The following ICA1 variants were observed in gnomAD, a reference collection of about 807,000 sequenced individuals.
The protein encoded by ICA1 is islet cell autoantigen 1, also known as 69 kDa islet cell autoantigen.
A neutral mutation model predicts 71.0 loss-of-function variants in ICA1; 40 were observed. That is an observed-to-expected ratio of 0.56 (90% CI 0.44 to 0.73). ICA1 has a LOEUF of 0.73. ICA1 is among the 30% of genes least tolerant of loss of function. The pLI, the probability that ICA1 is intolerant of heterozygous loss-of-function variation, is 0.00. For missense variants in ICA1, 578 were observed against 576.5 expected (o/e 1.00, Z -0.03); for synonymous variants, 207 against 209.5 (o/e 0.99, Z 0.10).
intron 1 of ICA1, among the ~76,000 whole-genome samples, chr7:8,249,001 T>C (rs1170760909): frequency 2.0e-5 from 3 of 152,276 alleles, no homozygotes; most frequent in East Asian, 3.8e-4. Flanking sequence ...TTTTTATATA[T>C]GATAAAATGC....
chr7:8,157,162 T>C lies in ICA1; in HGVS notation c.758A>G (p.His253Arg), dbSNP rs1326365503. ...EKTSHTMAAI[H>R]ESFKGYQPYE... The stretch of plus-strand genomic sequence containing the variant: ...TGGTTGATAACCTTTGAAACTCTCA[T>C]GGATGGCTGCCATAGTGTGAGAAGT... Residue 253 changes from histidine (H) to arginine (R), a missense_variant, in exon 8 of 14, where the codon CAT (histidine) becomes CGT (arginine). Transcript: ENST00000402384. 1.2e-6 allele frequency: 2 copies of C among 1,613,272 alleles called. No homozygotes were observed. Among genetic ancestry groups the C allele is most frequent in the Admixed American group, 1.7e-5 (1 of 59,852 alleles).
intron 6 of ICA1, among the ~76,000 whole-genome samples, chr7:8,189,764 T>G (rs1585048943): frequency 8.2e-6 from 1 of 121,598 alleles, no homozygotes; most frequent in African/African-American, 3.0e-5. Context: ...AGACCAGGAG[T>G]GTGGGGAGGG....
intron 6 of ICA1, among the ~76,000 whole-genome samples, chr7:8,182,506 A>G (rs1782512105): frequency 6.6e-6 from 1 of 152,218 alleles, no homozygotes; most frequent in South Asian, 2.1e-4. Flanking sequence ...AGAAGTCATT[A>G]AAGTCATTAA....
At position 8,173,386 on chromosome 7, in the gene ICA1, A is replaced by C. The variant is rs1043264324; in HGVS notation, c.580-14734T>G. 6.6e-6 allele frequency among the ~76,000 whole-genome samples: 1 copy of C among 152,206 alleles called. No individual in the cohort carries two copies. Among genetic ancestry groups the C allele is most frequent in the African/African-American group, 2.4e-5 (1 of 41,448 alleles). On this transcript the variant is annotated intron_variant, in intron 6 of 13. Transcript: ENST00000402384. This position sits in a 1 kb window ranked among gnomAD's most constrained non-coding sequence, Gnocchi z 4.0. ...ATTGGCAACGATTAAAACACATCAA[A>C]TATATCCAAATCTATGAGTTCATAA...
chr7:8,191,116 A>C (rs538572392), intron 6 of ICA1, among the ~76,000 whole-genome samples: 2 of 152,280 alleles, frequency 1.3e-5, no homozygotes, highest in East Asian at 3.9e-4. Context: ...CCTCCACTTT[A>C]TACGAGAGTA....
chr7:8,210,339 C>T (rs544494956), intron 6 of ICA1, among the ~76,000 whole-genome samples: 33 of 152,270 alleles, frequency 2.2e-4, no homozygotes, highest in East Asian at 9.7e-4. Context: ...GAGAAATGTG[C>T]TTAAATGTCT....
At chr7:8,201,933 G>A (rs2348902) in intron 6 of ICA1, among the ~76,000 whole-genome samples, 1 of 151,854 alleles carries the variant, frequency 6.6e-6, no homozygotes, top group Non-Finnish European at 1.5e-5. Flanking sequence ...TGCAAGCCCA[G>A]ATGCTGCAGC....
chr7:8,182,125 T>G (rs912097978), intron 6 of ICA1, among the ~76,000 whole-genome samples: 1 of 151,960 alleles, frequency 6.6e-6, no homozygotes, highest in African/African-American at 2.4e-5. Flanking sequence ...ACTCTTACCC[T>G]TTTTTTTCCC....
intron 6 of ICA1, among the ~76,000 whole-genome samples, chr7:8,195,098 A>G (rs1173880212): frequency 6.6e-6 from 1 of 152,254 alleles, no homozygotes; most frequent in Non-Finnish European, 1.5e-5. Context: ...TGACATACAG[A>G]TGGCTAATAA....
intron 13 of ICA1, among the ~76,000 whole-genome samples, chr7:8,122,505 T>C (rs1426416462): frequency 6.6e-6 from 1 of 152,262 alleles, no homozygotes; most frequent in African/African-American, 2.4e-5. Context: ...TCAGCAGGCA[T>C]AGGAAGTGCT....
intron 1 of ICA1, among the ~76,000 whole-genome samples, chr7:8,259,320 G>C (rs182491609): frequency 3.3e-4 from 51 of 152,308 alleles, no homozygotes; most frequent in African/African-American, 1.2e-3. Context: ...GACCACGTTT[G>C]AGTGACAGGG....
chr7:8,258,214 C>T (rs1052330252), intron 1 of ICA1, among the ~76,000 whole-genome samples: 3 of 152,200 alleles, frequency 2.0e-5, no homozygotes, highest in Non-Finnish European at 2.9e-5. Flanking sequence ...CAGCTGTACG[C>T]TCCTCCAGAG....
chr7:8,128,179 A>C, intron 12 of ICA1, 37 bp from the exon 13 acceptor site: 1 of 1,599,926 alleles, frequency 6.3e-7, no homozygotes, highest in South Asian at 1.1e-5. Flanking sequence ...GTCACCACGG[A>C]GGGCTCAAGC....
intron 1 of ICA1, among the ~76,000 whole-genome samples, chr7:8,246,294 C>T (rs1427915465): frequency 1.3e-5 from 2 of 152,208 alleles, no homozygotes; most frequent in Non-Finnish European, 2.9e-5. Flanking sequence ...AAAGCAGTTG[C>T]ACCAATAATT....
In ICA1 at chr7:8,142,212, C is replaced by T. The variant is rs549636227; in HGVS notation, c.903-395G>A. ...GAGAGGACACCTCCAGAGGTTAGCTCGGCTACAGAGGCTGCAGGCAGGACC... is the reference window on the plus strand; with the variant it reads ...GAGAGGACACCTCCAGAGGTTAGCTTGGCTACAGAGGCTGCAGGCAGGACC... On this transcript the variant is annotated intron_variant, in intron 9 of 13. Transcript: ENST00000402384. Among the ~76,000 whole-genome samples, 17 of 152,298 alleles carry T rather than the reference C, an allele frequency of 1.1e-4. No individual in the cohort carries two copies. In the South Asian group the frequency reaches 1.7e-3, roughly 15 times the overall value.
At position 8,123,237 on chromosome 7, in the gene ICA1, G is replaced by T. The variant is rs1787708949; in HGVS notation, c.1330+4636C>A. On this transcript the variant is annotated intron_variant, in intron 13 of 13. Transcript: ENST00000402384. This position sits in a 1 kb window ranked among gnomAD's most constrained non-coding sequence, Gnocchi z 4.1. ...AGAGCTTAAAGTAGGGGGAAAAGAG[G>T]ATATCATTGTTCTCCAAATCCCCCT... 6.6e-6 allele frequency among the ~76,000 whole-genome samples: 1 copy of T among 152,184 alleles called. No individual in the cohort carries two copies. Among genetic ancestry groups the T allele is most frequent in the Non-Finnish European group, 1.5e-5 (1 of 68,034 alleles).
rs113981829 is a variant in ICA1, at chr7:8,130,103, A to G, written c.1061-1961T>C. Among the ~76,000 whole-genome samples, 5 of 152,148 alleles carry G rather than the reference A, an allele frequency of 3.3e-5. No individual in the cohort carries two copies. The highest frequency in any genetic ancestry group is 5.9e-5 in the Non-Finnish European group (4 of 67,994). On this transcript the variant is annotated intron_variant, in intron 12 of 13. Coordinates refer to ENST00000402384, the MANE Select transcript of ICA1 (RefSeq NM_001136020.3). The surrounding 1 kb of genome is among the most constrained non-coding windows in gnomAD (Gnocchi z 4.2). ...CCACATTTTCTTAATCCAGTCTATC[A>G]TTGTTGGACATTTGGGTTGGTTCCA...
At chr7:8,243,074 G>A (rs1395164436) in intron 1 of ICA1, among the ~76,000 whole-genome samples, 6 of 151,868 alleles carry the variant, frequency 4.0e-5, no homozygotes, top group Non-Finnish European at 8.8e-5. Flanking sequence ...TATGAGGCCA[G>A]CATCATCCTG....
intron 6 of ICA1, among the ~76,000 whole-genome samples, chr7:8,185,735 CTTAA>C (rs1427852577): frequency 6.6e-6 from 1 of 152,192 alleles, no homozygotes; most frequent in Non-Finnish European, 1.5e-5. Context: ...TGATCCAAGC[CTTAA>C]TTTCCAAATT....
Sources: allele counts gnomAD v4.1 joint callset (sites outside exome capture counted in the v4.1 genomes callset), GRCh38; gene constraint gnomAD v4.1.1; non-coding constraint Gnocchi (gnomAD v3.1); transcripts MANE v1.5; gene names NCBI Gene and HGNC (gene_info 2026-07-23, HGNC 2026-07-21).